Variants in GNB4 observed in about 807,000 individuals in gnomAD.
GNB4 encodes the protein G protein subunit beta 4.
Under a neutral mutation model 45.2 loss-of-function variants are expected in GNB4, and 28 were observed. The ratio of observed to expected loss-of-function variants is 0.62; its 90% CI spans 0.46 to 0.85. The LOEUF (loss-of-function observed/expected upper bound fraction) is 0.85, where lower values mean the gene tolerates loss of function less well. Ranked by LOEUF, GNB4 falls within the 40% of genes least tolerant of loss-of-function variation. The pLI is 0.00. For missense variants in GNB4, 321 were observed against 425.4 expected (o/e 0.75, Z 2.16); for synonymous variants, 132 against 143.7 (o/e 0.92, Z 0.58).
chr3:179,526,941 A>G, the GNB4 span, among the ~76,000 whole-genome samples: 1 of 152,238 alleles, frequency 6.6e-6, no homozygotes, highest in East Asian at 1.9e-4. Context: ...ACAAATGGAC[A>G]TTGTAGAATG....
chr3:179,484,408 T>C, the GNB4 span, among the ~76,000 whole-genome samples: 1 of 152,238 alleles, frequency 6.6e-6, no homozygotes, highest in African/African-American at 2.4e-5. Flanking sequence ...CACTACAGTT[T>C]ATTTGTAACC....
At chr3:179,488,076 C>T in the GNB4 span, among the ~76,000 whole-genome samples, 1 of 151,506 alleles carries the variant, frequency 6.6e-6, no homozygotes, top group East Asian at 1.9e-4. Flanking sequence ...CCACTTGCAG[C>T]TCATCCACTG....
At chr3:179,470,917 C>T in the GNB4 span, among the ~76,000 whole-genome samples, 1 of 152,128 alleles carries the variant, frequency 6.6e-6, no homozygotes, top group East Asian at 1.9e-4. Flanking sequence ...CCGTGGCTTA[C>T]GCCTGTAATC....
intron 4 of GNB4, among the ~76,000 whole-genome samples, chr3:179,417,473 TCTC>T: frequency 6.6e-6 from 1 of 151,356 alleles, no homozygotes; most frequent in Middle Eastern, 3.2e-3. Context: ...AATGGCACGA[TCTC>T]AGCCCACTGC....
the GNB4 span, among the ~76,000 whole-genome samples, chr3:179,461,755 T>C: frequency 6.6e-6 from 1 of 152,228 alleles, no homozygotes; most frequent in African/African-American, 2.4e-5. Context: ...ACATTTTGTA[T>C]ATTTCAATGA....
upstream of GNB4, among the ~76,000 whole-genome samples, chr3:179,456,232 T>C (rs1018068726): frequency 6.6e-6 from 1 of 151,868 alleles, no homozygotes; most frequent in Non-Finnish European, 1.5e-5. Context: ...GGTGGGATTA[T>C]AGGCATGTGC....
At chr3:179,488,715 C>T in the GNB4 span, among the ~76,000 whole-genome samples, 6 of 151,750 alleles carry the variant, frequency 4.0e-5, no homozygotes, top group African/African-American at 1.5e-4. Context: ...CCATGCATGG[C>T]GGTTCAGGCC....
chr3:179,461,256 G>C, the GNB4 span, among the ~76,000 whole-genome samples: 2 of 152,098 alleles, frequency 1.3e-5, no homozygotes, highest in Non-Finnish European at 2.9e-5. Context: ...ATTTTATTTT[G>C]GGAGGTAGAG....
At chr3:179,480,390 T>C in the GNB4 span, among the ~76,000 whole-genome samples, 4 of 152,226 alleles carry the variant, frequency 2.6e-5, no homozygotes, top group African/African-American at 4.8e-5. Context: ...CCTGTAATAA[T>C]GGCAATAACA....
Position 179,420,911 on chromosome 3 carries a change from C to T in GNB4, c.74G>A (p.Cys25Tyr), listed in dbSNP as rs780747783. 5.0e-6 allele frequency: 8 copies of T among 1,590,466 alleles called. No individual in the cohort carries two copies. Among genetic ancestry groups the T allele is most frequent in the Non-Finnish European group, 6.9e-6 (8 of 1,162,792 alleles). ...TACCTGAACAAGCGTTGCATCATTACATGCTTTCCGAGCATCCTGAAGTAA... is the reference window on the plus strand; with the variant it reads ...TACCTGAACAAGCGTTGCATCATTATATGCTTTCCGAGCATCCTGAAGTAA... ...RNQIQDARKACNDATLVQITS... is the reference protein window; with the variant it reads ...RNQIQDARKAYNDATLVQITS... Residue 25 changes from cysteine to tyrosine, a missense_variant, in exon 3 of 10, where the codon TGT (cysteine) becomes TAT (tyrosine). Physicochemically the swap from Cys to Tyr is radical, Grantham distance 194. Transcript: ENST00000232564.
At chr3:179,408,719 G>A (rs1318290576) in intron 8 of GNB4, among the ~76,000 whole-genome samples, 1 of 151,992 alleles carries the variant, frequency 6.6e-6, no homozygotes, top group Non-Finnish European at 1.5e-5. Flanking sequence ...TTGAACCCGG[G>A]AGGTGGAGGT....
chr3:179,481,147 G>A, the GNB4 span, among the ~76,000 whole-genome samples: 2 of 151,156 alleles, frequency 1.3e-5, no homozygotes, highest in African/African-American at 2.4e-5. Flanking sequence ...CACTGCGCCC[G>A]GCCGCAAACT....
intron 1 of GNB4, among the ~76,000 whole-genome samples, chr3:179,429,963 CCAT>C (rs1183146125): frequency 6.6e-6 from 1 of 152,104 alleles, no homozygotes; most frequent in Non-Finnish European, 1.5e-5. Context: ...AAAGTAGAAG[CCAT>C]CAAACATGAA....
the GNB4 span, chr3:179,465,058 G>C: frequency 6.7e-7 from 1 of 1,494,954 alleles, no homozygotes; most frequent in Non-Finnish European, 9.3e-7. Context: ...CTTCCAAAGA[G>C]CAGTTGAAGA....
At chr3:179,453,814 T>C (rs2108628394), upstream of GNB4, among the ~76,000 whole-genome samples, 1 of 152,124 alleles carries the variant, frequency 6.6e-6, no homozygotes, top group Non-Finnish European at 1.5e-5. Flanking sequence ...GAATATTGTA[T>C]TTCTGTTTTG....
At chr3:179,474,714 G>A in the GNB4 span, among the ~76,000 whole-genome samples, 3 of 125,730 alleles carry the variant, frequency 2.4e-5, no homozygotes, top group Non-Finnish European at 4.9e-5. Context: ...TTGTGTTGCT[G>A]TAACAGAATC....
the GNB4 span, among the ~76,000 whole-genome samples, chr3:179,518,782 T>G: frequency 6.6e-6 from 1 of 152,214 alleles, no homozygotes; most frequent in African/African-American, 2.4e-5. Context: ...AGTTCATGGC[T>G]CATTTGGCAG....
At chr3:179,481,625 C>T in the GNB4 span, among the ~76,000 whole-genome samples, 1 of 152,138 alleles carries the variant, frequency 6.6e-6, no homozygotes, top group African/African-American at 2.4e-5. Context: ...TAGGGGTGAT[C>T]CACTGTGCTG....
the GNB4 span, among the ~76,000 whole-genome samples, chr3:179,515,763 T>C: frequency 6.6e-6 from 1 of 152,024 alleles, no homozygotes; most frequent in Non-Finnish European, 1.5e-5. Context: ...GCAAAAATTT[T>C]CGGGGGGTGG....
Sources: gnomAD v4.1 joint callset for allele counts (sites outside exome capture counted in the v4.1 genomes callset) on GRCh38, gnomAD v4.1.1 for gene constraint, MANE v1.5 for transcripts, NCBI Gene and HGNC (gene_info 2026-07-23, HGNC 2026-07-21) for gene names.